The following PFDN1 variants were observed in gnomAD, a reference collection of about 807,000 sequenced individuals.
The protein encoded by PFDN1 is prefoldin subunit 1, also known as prefoldin 1.
Under a neutral mutation model 17.3 loss-of-function variants are expected in PFDN1, and 6 were observed. That is an observed-to-expected ratio of 0.35 (90% CI 0.19 to 0.69). PFDN1 has a LOEUF of 0.69. Among genes scored for constraint, PFDN1 ranks in the 30% least tolerant of loss-of-function variants. The pLI is 0.65. For synonymous variants in PFDN1, 58 were observed against 50.1 expected (o/e 1.16, Z -0.67); for missense variants, 113 against 146.2 (o/e 0.77, Z 1.17).
intron 3 of PFDN1, among the ~76,000 whole-genome samples, chr5:140,247,405 G>A (rs1764845793): frequency 6.6e-6 from 1 of 151,888 alleles, no homozygotes; most frequent in Non-Finnish European, 1.5e-5. Context: ...CTCCCAAAGT[G>A]CTGGCATTAC....
At chr5:140,302,315 T>C (rs888414796) in intron 1 of PFDN1, among the ~76,000 whole-genome samples, 1 of 152,242 alleles carries the variant, frequency 6.6e-6, no homozygotes, top group African/African-American at 2.4e-5. Context: ...ATTAGTGGTG[T>C]TAGAATGCTG....
At chr5:140,279,129 T>C (rs1268510322) in intron 3 of PFDN1, among the ~76,000 whole-genome samples, 2 of 152,072 alleles carry the variant, frequency 1.3e-5, no homozygotes, top group Non-Finnish European at 2.9e-5. Flanking sequence ...TAAAAAAAGG[T>C]TGTGTATATA....
At chr5:140,289,800 C>T (rs1229011284) in intron 2 of PFDN1, among the ~76,000 whole-genome samples, 2 of 152,164 alleles carry the variant, frequency 1.3e-5, no homozygotes, top group Non-Finnish European at 2.9e-5. Context: ...TTCACCATCT[C>T]GACTTCAGCT....
At position 140,273,961 on chromosome 5, in the gene PFDN1, A is replaced by G. The variant is rs986627844; in HGVS notation, c.285+7488T>C. Reference sequence around the variant, plus strand: ...CCTGGAACAAAAAAAACATAAGGCAATGGTGGCAAAAATGTGTTCAAATGT... The same window carrying G: ...CCTGGAACAAAAAAAACATAAGGCAGTGGTGGCAAAAATGTGTTCAAATGT... On this transcript the variant is annotated intron_variant, in intron 3 of 3. Coordinates refer to ENST00000261813, the MANE Select transcript of PFDN1 (RefSeq NM_002622.5). 6 of 822,310 alleles carry G rather than the reference A, an allele frequency of 7.3e-6. No homozygotes were observed. In the Admixed American group the frequency reaches 3.7e-4, roughly 51 times the overall value. 50.9% of individuals were successfully genotyped at this position (822,310 alleles called of 1,614,324 possible).
At chr5:140,301,727 T>C (rs992673085) in intron 1 of PFDN1, among the ~76,000 whole-genome samples, 12 of 152,368 alleles carry the variant, frequency 7.9e-5, no homozygotes, top group African/African-American at 2.2e-4. Context: ...AAGTTTCAAA[T>C]GTAGCAATAA....
chr5:140,299,625 C>T (rs1012560998), intron 2 of PFDN1, among the ~76,000 whole-genome samples: 1 of 151,420 alleles, frequency 6.6e-6, no homozygotes, highest in Non-Finnish European at 1.5e-5. Context: ...ACTTTAAAGT[C>T]TAAACTTAAA....
At chr5:140,252,320 C>G (rs754500187) in intron 3 of PFDN1, among the ~76,000 whole-genome samples, 1 of 152,168 alleles carries the variant, frequency 6.6e-6, no homozygotes, top group African/African-American at 2.4e-5. Context: ...ATCCAGGCAT[C>G]GGAGGCAACA....
rs1581081110 is a variant in PFDN1 at position 140,252,858 on chromosome 5, G to A, written c.286-6801C>T. On this transcript the variant is annotated intron_variant, in intron 3 of 3. Transcript: ENST00000261813. ...GCAGGCAGGGGCAGGGCAGAGCCCT[G>A]AGGGCACATGTGCCCTGAGCCGCCA... is the stretch of plus-strand genomic sequence containing the variant. Among the ~76,000 whole-genome samples, 3 of 152,240 alleles carry A rather than the reference G, an allele frequency of 2.0e-5. No homozygotes were observed. The East Asian group carries it at 5.8e-4, about 29-fold the overall frequency.
chr5:140,255,070 C>G (rs901937090), intron 3 of PFDN1, among the ~76,000 whole-genome samples: 2 of 152,208 alleles, frequency 1.3e-5, no homozygotes, highest in African/African-American at 4.8e-5. Flanking sequence ...CAAATGGGCA[C>G]TATGGAAATT....
chr5:140,253,669 G>T (rs1291630519), intron 3 of PFDN1, among the ~76,000 whole-genome samples: 4 of 152,208 alleles, frequency 2.6e-5, no homozygotes, highest in Admixed American at 1.3e-4. Context: ...ACTACCATCT[G>T]CAGGCACCAG....
chr5:140,276,905 C>T (rs1765304314), intron 3 of PFDN1, among the ~76,000 whole-genome samples: 1 of 151,130 alleles, frequency 6.6e-6, no homozygotes, highest in African/African-American at 2.4e-5. Flanking sequence ...TCTTTAAAGG[C>T]CTTCAAGGTA....
chr5:140,246,132 A>C, intron 3 of PFDN1, 75 bp from the exon 4 acceptor site: 1 of 880,552 alleles, frequency 1.1e-6, no homozygotes, highest in East Asian at 2.6e-5. Context: ...TTTGATGTCC[A>C]ATGGTTATGG....
intron 3 of PFDN1, among the ~76,000 whole-genome samples, chr5:140,271,951 A>G (rs28533077): frequency 6.7e-6 from 1 of 148,740 alleles, no homozygotes; most frequent in Non-Finnish European, 1.5e-5. Context: ...ACATATATAC[A>G]TAATATATAT....
intron 3 of PFDN1, among the ~76,000 whole-genome samples, chr5:140,278,521 CT>C (rs2126690943): frequency 7.2e-6 from 1 of 138,216 alleles, no homozygotes; most frequent in Admixed American, 7.9e-5. Flanking sequence ...AGACACACCA[CT>C]GGACTCCAGC....
intron 3 of PFDN1, among the ~76,000 whole-genome samples, chr5:140,268,165 T>C (rs1438912067): frequency 6.6e-6 from 1 of 152,146 alleles, no homozygotes; most frequent in Non-Finnish European, 1.5e-5. Context: ...TAGACATAAT[T>C]AGCAAAACAG....
At chr5:140,247,113 G>C (rs553594835) in intron 3 of PFDN1, among the ~76,000 whole-genome samples, 2 of 152,272 alleles carry the variant, frequency 1.3e-5, no homozygotes, top group East Asian at 3.9e-4. Context: ...GGACAAGTGA[G>C]CTCTCTGTCC....
intron 3 of PFDN1, 178 bp downstream of exon 3, chr5:140,281,271 T>G (rs886422654): frequency 1.7e-5 from 8 of 468,936 alleles, no homozygotes; most frequent in Non-Finnish European, 3.0e-5. Context: ...TTTTTTTGTT[T>G]TGGTCTTATA....
intron 2 of PFDN1, among the ~76,000 whole-genome samples, chr5:140,285,369 A>T (rs953270132): frequency 6.6e-6 from 1 of 151,358 alleles, no homozygotes; most frequent in Non-Finnish European, 1.5e-5. Context: ...AAAAAGAATG[A>T]GCCTATCTTG....
intron 2 of PFDN1, among the ~76,000 whole-genome samples, chr5:140,282,395 C>T (rs544857001): frequency 7.4e-6 from 1 of 134,788 alleles, no homozygotes; most frequent in South Asian, 2.2e-4. Flanking sequence ...TAAAGTGGAG[C>T]GCCCCTCCAT....
Sources: gnomAD v4.1 joint callset for allele counts (sites outside exome capture counted in the v4.1 genomes callset) on GRCh38, gnomAD v4.1.1 for gene constraint, MANE v1.5 for transcripts, NCBI Gene and HGNC (gene_info 2026-07-23, HGNC 2026-07-21) for gene names.